WNK2: variants seen among roughly 807,000 people sequenced by gnomAD.
WNK2 encodes WNK lysine deficient protein kinase 2, also known as serine/threonine-protein kinase WNK2.
WNK2 carries 67 observed loss-of-function variants against 192.1 expected under a neutral mutation model. The ratio of observed to expected loss-of-function variants is 0.35; its 90% CI spans 0.29 to 0.43. The LOEUF (loss-of-function observed/expected upper bound fraction) is 0.43. Ranked by LOEUF, WNK2 falls within the 20% of genes least tolerant of loss-of-function variation. WNK2 has a pLI of 1.00. For synonymous variants in WNK2, 1,439 were observed against 1,393.9 expected (o/e 1.03, Z -0.72); for missense variants, 2,698 against 3,089.7 (o/e 0.87, Z 3.01).
chr9:93,259,415 T>C lies in WNK2; in HGVS notation c.2867T>C (p.Leu956Pro). 7.8e-7 allele frequency: 1 copy of C among 1,290,066 alleles called. No individual in the cohort carries two copies. The allele number at this position is 1,290,066 out of a possible 1,614,324, so 79.9% of individuals were successfully genotyped here. ...PQPTLPPQPVLPPQPTLPPQP... is the reference protein window; with the variant it reads ...PQPTLPPQPVPPPQPTLPPQP... ...CCCACACTGCCCCCACAACCCGTGC[T>C]GCCCCCGCAACCCACGCTGCCCCCT... is the stretch of plus-strand genomic sequence containing the variant. Residue 956 changes from leucine (L) to proline (P), a missense_variant, in exon 12 of 30, where the codon CTG (leucine) becomes CCG (proline). Physicochemically the swap from Leu to Pro is moderately conservative, Grantham distance 98. Coordinates refer to ENST00000427277, the MANE Select transcript of WNK2 (RefSeq NM_006648.4). The surrounding 1 kb of genome is among the most constrained non-coding windows in gnomAD (Gnocchi z 4.8).
In WNK2 at chr9:93,184,991, C is replaced by T; in HGVS notation, c.62C>T (p.Ala21Val). 1 of 1,241,132 alleles carries T rather than the reference C, an allele frequency of 8.1e-7. No individual in the cohort carries two copies. The highest frequency in any genetic ancestry group is 1.0e-6 in the Non-Finnish European group (1 of 997,394). The allele number at this position is 1,241,132 out of a possible 1,614,324, so 76.9% of individuals were successfully genotyped here. Reference protein sequence around the residue: ...PGTLMEPGRGAGPAGMAEPRA... With the variant: ...PGTLMEPGRGVGPAGMAEPRA... ...ACGCTGATGGAGCCCGGGCGCGGCG[C>T]GGGGCCCGCGGGCATGGCGGAGCCT... is the stretch of plus-strand genomic sequence containing the variant. Residue 21 changes from alanine to valine, a missense_variant, in exon 2 of 30, where the codon GCG becomes GTG. Ala to Val is a moderately conservative substitution (Grantham distance 64). Around this residue, in one of 7 missense-constraint regions of WNK2, gnomAD observed 260 missense variants for 285.6 expected, o/e 0.91. Transcript: ENST00000427277.
intron 19 of WNK2, among the ~76,000 whole-genome samples, chr9:93,273,429 C>CA (rs1231689128): frequency 2.6e-5 from 4 of 152,246 alleles, no homozygotes; most frequent in African/African-American, 9.6e-5. Flanking sequence ...GCTGGGATTA[C>CA]AGGCGTGAGC....
At chr9:93,268,343 G>A (rs1845494071) in intron 18 of WNK2, among the ~76,000 whole-genome samples, 1 of 152,202 alleles carries the variant, frequency 6.6e-6, no homozygotes, top group African/African-American at 2.4e-5. Context: ...CCCAGGTTCT[G>A]CTGTGCACCC....
In WNK2 at chr9:93,308,593, G is replaced by A. The variant is rs543369524; in HGVS notation, c.6516+9G>A. ...CTGGCGAGGCGCGGGCTGTGAGTGC[G>A]GGGCGGGTGGGGCGGGTGCTCCTGG... On this transcript the variant is annotated intron_variant, in intron 28 of 29. Transcript: ENST00000427277. 203 of 1,531,144 alleles carry A rather than the reference G, an allele frequency of 1.3e-4. No individual in the cohort carries two copies. The East Asian group carries it at 2.6e-3, about 19-fold the overall frequency. 94.8% of individuals were successfully genotyped at this position (1,531,144 alleles called of 1,614,324 possible). A position where few individuals can be genotyped will look rare whatever the true frequency, so the allele number is the denominator to read the frequency against.
At chr9:93,261,748 T>G (rs1241129191) in intron 12 of WNK2, 66 bp from the exon 13 acceptor site, 1 of 1,528,264 alleles carries the variant, frequency 6.5e-7, no homozygotes, top group Non-Finnish European at 8.8e-7. Context: ...CAGACACACC[T>G]GGGCACGGCC....
intron 19 of WNK2, among the ~76,000 whole-genome samples, chr9:93,274,927 C>T (rs1476415861): frequency 2.0e-5 from 3 of 152,152 alleles, no homozygotes; most frequent in Non-Finnish European, 2.9e-5. Context: ...AATCATTTTA[C>T]GAGGCCAGCA....
chr9:93,197,259 C>T lies in WNK2; in HGVS notation c.681+11649C>T, dbSNP rs112193195. Among the ~76,000 whole-genome samples the T allele has an allele frequency of 3.2e-3, 488 of 152,280 alleles. 3 individuals are homozygous for T. Among genetic ancestry groups the T allele is most frequent in the African/African-American group, 0.011 (458 of 41,532 alleles). On this transcript the variant is annotated intron_variant, in intron 2 of 29. Transcript: ENST00000427277. ...GTCTCTTGATAGGAACGAGGATGCTCCCACATCACCTCCACCCCCTGCCGT... is the reference window on the plus strand; with the variant it reads ...GTCTCTTGATAGGAACGAGGATGCTTCCACATCACCTCCACCCCCTGCCGT...
chr9:93,223,349 C>T (rs1837251023), intron 2 of WNK2, among the ~76,000 whole-genome samples: 2 of 152,246 alleles, frequency 1.3e-5, no homozygotes, highest in African/African-American at 2.4e-5. Flanking sequence ...AGGCCACTTC[C>T]TCCAGGGACC....
At chr9:93,272,693 G>A (rs190109565) in intron 19 of WNK2, among the ~76,000 whole-genome samples, 69 of 124,702 alleles carry the variant, frequency 5.5e-4, no homozygotes, top group Non-Finnish European at 1.4e-4. Context: ...AGCCGAGATC[G>A]CGCCATTGCA....
chr9:93,313,566 G>A (rs1854051248), intron 28 of WNK2, among the ~76,000 whole-genome samples: 1 of 151,926 alleles, frequency 6.6e-6, no homozygotes, highest in Admixed American at 6.6e-5. Context: ...AGTTGAAATT[G>A]TATTTGCAAA....
chr9:93,248,730 A>G (rs1395807496), intron 8 of WNK2, among the ~76,000 whole-genome samples: 1 of 152,158 alleles, frequency 6.6e-6, no homozygotes, highest in Non-Finnish European at 1.5e-5. Flanking sequence ...TTTAGGGAAA[A>G]CCTAGTATCT....
intron 19 of WNK2, among the ~76,000 whole-genome samples, chr9:93,274,994 A>G (rs1018144576): frequency 1.3e-5 from 2 of 152,232 alleles, no homozygotes; most frequent in Non-Finnish European, 2.9e-5. Context: ...TGATAGACCA[A>G]TAAGTCTCAT....
chr9:93,257,026 C>A lies in WNK2; in HGVS notation c.2269C>A (p.Pro757Thr), dbSNP rs773285161. Residue 757 changes from proline to threonine, a missense_variant, in exon 11 of 30, where the codon CCC becomes ACC. Physicochemically the swap from Pro to Thr is conservative, Grantham distance 38. Transcript: ENST00000427277. This position sits in a 1 kb window ranked among gnomAD's most constrained non-coding sequence, Gnocchi z 4.7. Reference sequence around the variant, plus strand: ...CGTGGTCCCCCTCCAGCCGGTTCCCCCCCACCTGCCACCGTACCTGGCTCC... The same window carrying A: ...CGTGGTCCCCCTCCAGCCGGTTCCCACCCACCTGCCACCGTACCTGGCTCC... ...QPVVPLQPVP[P>T]HLPPYLAPAS... 6.2e-7 allele frequency: 1 copy of A among 1,604,504 alleles called. No individual in the cohort carries two copies. Among genetic ancestry groups the A allele is most frequent in the Admixed American group, 1.7e-5 (1 of 59,034 alleles).
intron 26 of WNK2, 190 bp downstream of exon 26, chr9:93,300,339 C>A (rs113642728): frequency 1.8e-6 from 1 of 550,608 alleles, no homozygotes; most frequent in South Asian, 2.2e-5. Flanking sequence ...AGCGCCTACC[C>A]CCAAGCCCCA....
chr9:93,294,202 G>A (rs976099577), intron 23 of WNK2, among the ~76,000 whole-genome samples: 1 of 152,244 alleles, frequency 6.6e-6, no homozygotes, highest in Non-Finnish European at 1.5e-5. Context: ...CACAGCGTAT[G>A]CACAGAGGCT....
At chr9:93,223,487 T>C (rs1359068741) in intron 2 of WNK2, among the ~76,000 whole-genome samples, 1 of 152,164 alleles carries the variant, frequency 6.6e-6, no homozygotes, top group African/African-American at 2.4e-5. Context: ...TAGTTGCATA[T>C]TTATTGGTTT....
At chr9:93,249,624 C>T (rs1259961355) in intron 8 of WNK2, among the ~76,000 whole-genome samples, 1 of 152,128 alleles carries the variant, frequency 6.6e-6, no homozygotes, top group African/African-American at 2.4e-5. Context: ...CAGGCACCTG[C>T]TATCACGCCC....
chr9:93,229,735 G>T lies in WNK2; in HGVS notation c.721G>T (p.Glu241Ter). Residue 241 changes from glutamate (E) to a stop codon, truncating the protein, a stop_gained, in exon 3 of 30, where the codon GAA becomes TAA. Coordinates refer to ENST00000427277, the MANE Select transcript of WNK2 (RefSeq NM_006648.4). LOFTEE classifies it high-confidence loss of function. The surrounding 1 kb of genome is among the most constrained non-coding windows in gnomAD (Gnocchi z 4.9). ...LTKLERQRFK[E>*]EAEMLKGLQH... ...CAAGCTGGAGCGGCAGCGGTTCAAG[G>T]AAGAGGCTGAGATGCTGAAAGGCCT... 1 of 1,613,578 alleles carries T rather than the reference G, an allele frequency of 6.2e-7. No individual in the cohort carries two copies. The highest frequency in any genetic ancestry group is 8.5e-7 in the Non-Finnish European group (1 of 1,179,734).
At chr9:93,268,190 C>A in intron 18 of WNK2, 125 bp downstream of exon 18, 1 of 1,308,928 alleles carries the variant, frequency 7.6e-7, no homozygotes, top group Non-Finnish European at 1.1e-6. Flanking sequence ...CCAGGGGCCC[C>A]AGTCTGGGGA....
Sources: allele counts gnomAD v4.1 joint callset (sites outside exome capture counted in the v4.1 genomes callset), GRCh38; gene constraint gnomAD v4.1.1; regional missense constraint gnomAD v4.1.1; non-coding constraint Gnocchi (gnomAD v3.1); transcripts MANE v1.5; gene names NCBI Gene and HGNC (gene_info 2026-07-23, HGNC 2026-07-21).